ZNF407: variants seen among roughly 807,000 people sequenced by gnomAD.
The protein encoded by ZNF407 is zinc finger protein 407.
A neutral mutation model predicts 131.2 loss-of-function variants in ZNF407; 17 were observed. The observed-to-expected ratio is 0.13, with a 90% CI of 0.09 to 0.19. ZNF407 has a LOEUF of 0.19. Among genes scored for constraint, ZNF407 ranks in the 10% least tolerant of loss-of-function variants. The pLI is 1.00. For synonymous variants in ZNF407, 1,156 were observed against 1,062.0 expected (o/e 1.09, Z -1.72); for missense variants, 2,681 against 2,830.6 (o/e 0.95, Z 1.20).
At chr18:74,980,028 A>G (rs1972570561) in intron 8 of ZNF407, among the ~76,000 whole-genome samples, 2 of 152,102 alleles carry the variant, frequency 1.3e-5, no homozygotes, top group Admixed American at 6.5e-5. Flanking sequence ...TACTGCGAAT[A>G]TTATATTTTA....
intron 8 of ZNF407, among the ~76,000 whole-genome samples, chr18:74,952,234 G>A (rs1200203116): frequency 6.6e-6 from 1 of 152,162 alleles, no homozygotes; most frequent in African/African-American, 2.4e-5. Flanking sequence ...TCAAATTTAT[G>A]ATACTCTCTA....
At position 74,634,013 on chromosome 18, in the gene ZNF407, C is replaced by G; in HGVS notation, c.2994C>G (p.Asp998Glu). 1 of 1,613,984 alleles carries G rather than the reference C, an allele frequency of 6.2e-7. No individual in the cohort carries two copies. The highest frequency in any genetic ancestry group is 8.5e-7 in the Non-Finnish European group (1 of 1,179,880). Residue 998 changes from aspartate (D) to glutamate (E), a missense_variant, in exon 2 of 9, where the codon GAC (aspartate) becomes GAG (glutamate). Around this residue, in one of 6 missense-constraint regions of ZNF407, gnomAD observed 1,789 missense variants for 1,748.7 expected, o/e 1.02. Coordinates refer to ENST00000299687, the MANE Select transcript of ZNF407 (RefSeq NM_017757.3). The part of the protein sequence containing the change: ...KKEQISSEPE[D>E]FAQPGDVYSQ... ...AGCAAATATCTTCAGAGCCAGAGGA[C>G]TTCGCCCAGCCGGGGGATGTGTACT...
At chr18:74,727,731 G>A (rs370275648) in intron 3 of ZNF407, among the ~76,000 whole-genome samples, 2 of 152,186 alleles carry the variant, frequency 1.3e-5, no homozygotes, top group African/African-American at 4.8e-5. Flanking sequence ...CGCCATGCGC[G>A]GCAGGTAAGG....
intron 3 of ZNF407, among the ~76,000 whole-genome samples, chr18:74,718,205 G>GCCCCCCCCCCCCCC (rs33924277): frequency 6.7e-6 from 1 of 148,334 alleles, no homozygotes. Context: ...CTTTTTTGCA[G>GCCCCCCCCCCCCCC]CCCCCCCCCT....
At chr18:74,944,425 T>C (rs1015305583) in intron 8 of ZNF407, among the ~76,000 whole-genome samples, 5 of 152,216 alleles carry the variant, frequency 3.3e-5, no homozygotes, top group African/African-American at 1.2e-4. Flanking sequence ...ATCAAAGATG[T>C]ATGGCCACCA....
In ZNF407 at chr18:74,793,836, G is replaced by T. The variant is rs76133191; in HGVS notation, c.4877+12334G>T. The stretch of plus-strand genomic sequence containing the variant: ...GAGGAAAGACCTTCTTAGAGGAGAA[G>T]GCCATGAGTCAGCACGTACTCTTTG... On this transcript the variant is annotated intron_variant, in intron 4 of 8. Coordinates refer to ENST00000299687, the MANE Select transcript of ZNF407 (RefSeq NM_017757.3). 3.9e-5 allele frequency among the ~76,000 whole-genome samples: 6 copies of T among 152,270 alleles called. No homozygotes were observed. In the East Asian group the frequency reaches 1.2e-3, roughly 30 times the overall value.
intron 3 of ZNF407, among the ~76,000 whole-genome samples, chr18:74,731,732 T>C (rs1207153546): frequency 6.6e-6 from 1 of 152,104 alleles, no homozygotes; most frequent in African/African-American, 2.4e-5. Flanking sequence ...AACAGAGTCA[T>C]AGAGGAGTGA....
intron 4 of ZNF407, among the ~76,000 whole-genome samples, chr18:74,803,215 A>G (rs971348796): frequency 5.3e-5 from 8 of 152,154 alleles, no homozygotes; most frequent in Non-Finnish European, 2.9e-5. Context: ...GAGTGAGGGG[A>G]AGACCTGTTT....
chr18:74,980,099 G>GA (rs5826358), intron 8 of ZNF407, among the ~76,000 whole-genome samples: 136 of 150,030 alleles, frequency 9.1e-4, no homozygotes, highest in African/African-American at 1.7e-3. Context: ...TCCACTGTTG[G>GA]AAAAAAAAAT....
intron 3 of ZNF407, among the ~76,000 whole-genome samples, chr18:74,707,500 A>T (rs746027366): frequency 3.9e-5 from 6 of 152,116 alleles, no homozygotes; most frequent in African/African-American, 7.2e-5. Flanking sequence ...TGAAAACTCG[A>T]GATCCTTATG....
chr18:74,878,322 A>G (rs1041299838), intron 5 of ZNF407, among the ~76,000 whole-genome samples: 1 of 152,110 alleles, frequency 6.6e-6, no homozygotes, highest in Admixed American at 6.6e-5. Flanking sequence ...CAGCATTCCA[A>G]AATGTTCTTC....
At chr18:74,865,650 T>A (rs923171680) in intron 4 of ZNF407, among the ~76,000 whole-genome samples, 2 of 152,356 alleles carry the variant, frequency 1.3e-5, no homozygotes, top group Middle Eastern at 3.4e-3. Flanking sequence ...GTATAAATGA[T>A]CTATATCCAG....
At chr18:74,876,068 G>A (rs1229353442) in intron 4 of ZNF407, among the ~76,000 whole-genome samples, 2 of 152,172 alleles carry the variant, frequency 1.3e-5, no homozygotes, top group Non-Finnish European at 2.9e-5. Context: ...CAGCCCTTAT[G>A]GGGCTAAGGA....
chr18:74,812,828 A>G (rs944851686), intron 4 of ZNF407, among the ~76,000 whole-genome samples: 1 of 152,068 alleles, frequency 6.6e-6, no homozygotes, highest in Non-Finnish European at 1.5e-5. Flanking sequence ...TTGTCTTAGA[A>G]TTCAGTAATC....
At chr18:75,013,249 A>C (rs1421875411) in intron 8 of ZNF407, among the ~76,000 whole-genome samples, 1 of 152,146 alleles carries the variant, frequency 6.6e-6, no homozygotes, top group African/African-American at 2.4e-5. Context: ...TGCACATTCA[A>C]GTAAAGGTTT....
intron 4 of ZNF407, among the ~76,000 whole-genome samples, chr18:74,816,295 A>AT (rs553618500): frequency 5.6e-4 from 86 of 152,264 alleles, no homozygotes; most frequent in African/African-American, 2.0e-3. Context: ...GCTGAGTGGA[A>AT]TTTTCTTTCC....
chr18:74,799,693 T>C (rs182236059), intron 4 of ZNF407, among the ~76,000 whole-genome samples: 1 of 152,164 alleles, frequency 6.6e-6, no homozygotes, highest in East Asian at 1.9e-4. Flanking sequence ...TTATATTGTT[T>C]GGATTAGCAT....
At chr18:75,039,019 G>A (rs1360481092) in intron 8 of ZNF407, among the ~76,000 whole-genome samples, 1 of 152,152 alleles carries the variant, frequency 6.6e-6, no homozygotes, top group Non-Finnish European at 1.5e-5. Context: ...CTATAATTTT[G>A]TTGTCAGCTT....
At chr18:74,649,186 G>A (rs959635986) in intron 3 of ZNF407, among the ~76,000 whole-genome samples, 2 of 152,214 alleles carry the variant, frequency 1.3e-5, no homozygotes, top group African/African-American at 4.8e-5. Context: ...ATTTACTGCT[G>A]AGGTACTATA....
Sources: gnomAD v4.1 joint callset for allele counts (sites outside exome capture counted in the v4.1 genomes callset) on GRCh38, gnomAD v4.1.1 for gene constraint, gnomAD v4.1.1 regional missense constraint, MANE v1.5 for transcripts, NCBI Gene and HGNC (gene_info 2026-07-23, HGNC 2026-07-21) for gene names.